The following KCTD8 variants were observed in gnomAD, a reference collection of about 807,000 sequenced individuals.
The protein encoded by KCTD8 is BTB/POZ domain-containing protein KCTD8.
KCTD8 carries 27 observed loss-of-function variants against 31.5 expected under a neutral mutation model. The observed-to-expected ratio is 0.86, with a 90% CI of 0.63 to 1.18. The LOEUF is 1.18. KCTD8 is among the 50% of genes most tolerant of loss of function. The probability of loss-of-function intolerance (pLI) is 0.00; values close to 1 mark genes in which losing one functional copy is unlikely to be tolerated. For missense variants in KCTD8, 658 were observed against 647.7 expected (o/e 1.02, Z -0.17); for synonymous variants, 290 against 280.0 (o/e 1.04, Z -0.36).
At chr4:44,346,618 A>C (rs999978491) in intron 1 of KCTD8, among the ~76,000 whole-genome samples, 1 of 152,160 alleles carries the variant, frequency 6.6e-6, no homozygotes, top group African/African-American at 2.4e-5. Context: ...ATATATGCAC[A>C]TACAAATGTC....
At chr4:44,364,108 C>T (rs1233812512) in intron 1 of KCTD8, among the ~76,000 whole-genome samples, 1 of 152,008 alleles carries the variant, frequency 6.6e-6, no homozygotes, top group African/African-American at 2.4e-5. Context: ...TTAAAAACTT[C>T]TGTTTGTCAA....
At chr4:44,242,503 G>A (rs1046144276) in intron 1 of KCTD8, among the ~76,000 whole-genome samples, 4 of 152,142 alleles carry the variant, frequency 2.6e-5, no homozygotes, top group Admixed American at 2.6e-4. Context: ...GCGTGAACCC[G>A]GGAGGCGGAG....
Position 44,174,041 on chromosome 4 carries a change from C to G in KCTD8, c.*749G>C, listed in dbSNP as rs1314725186. ...ACAGCCCGATGTAAGACTCATTTCA[C>G]AGTAATAATCATGACTAGCATTAGT... On this transcript the variant is annotated 3_prime_UTR_variant, in exon 2 of 2. Coordinates refer to ENST00000360029, the MANE Select transcript of KCTD8 (RefSeq NM_198353.3). The G allele has an allele frequency of 6.6e-6, 1 of 151,970 alleles. No individual in the cohort carries two copies. Among genetic ancestry groups the G allele is most frequent in the Non-Finnish European group, 1.5e-5 (1 of 67,966 alleles). The allele number at this position is 151,970 out of a possible 1,614,324, so 9.4% of individuals were successfully genotyped here. A position where few individuals can be genotyped will look rare whatever the true frequency, so the allele number is the denominator to read the frequency against.
intron 1 of KCTD8, among the ~76,000 whole-genome samples, chr4:44,408,392 A>G (rs1383413816): frequency 1.3e-5 from 2 of 152,178 alleles, no homozygotes; most frequent in East Asian, 3.8e-4. Flanking sequence ...CTACTTAAAC[A>G]TTGTATGCAT....
intron 1 of KCTD8, among the ~76,000 whole-genome samples, chr4:44,416,593 T>A (rs1007602581): frequency 1.3e-5 from 2 of 152,112 alleles, no homozygotes; most frequent in African/African-American, 2.4e-5. Flanking sequence ...GAGTTCTCAG[T>A]TCACTCAAGA....
Position 44,448,495 on chromosome 4 carries a change from C to A in KCTD8, c.29G>T (p.Gly10Val), listed in dbSNP as rs1722017918. The change falls in exon 1 of 2, where the codon GGC becomes GTC. Residue 10 changes from glycine to valine, a missense_variant. Physicochemically the swap from Gly to Val is moderately radical, Grantham distance 109 (BLOSUM62 -3). Transcript: ENST00000360029. This position sits in a 1 kb window ranked among gnomAD's most constrained non-coding sequence, Gnocchi z 4.1. ...CTCGCTAATGGGCAGGATGGTGCTG[C>A]CGCCGCTGCCCGTGTCCTTCAGAGC... MALKDTGSG[G>V]STILPISEMV... 1.3e-6 allele frequency: 2 copies of A among 1,496,308 alleles called. No individual in the cohort carries two copies. Among genetic ancestry groups the A allele is most frequent in the East Asian group, 2.4e-5 (1 of 42,360 alleles). 92.7% of individuals were successfully genotyped at this position (1,496,308 alleles called of 1,614,324 possible).
intron 1 of KCTD8, among the ~76,000 whole-genome samples, chr4:44,279,916 T>C (rs1232916516): frequency 1.3e-5 from 2 of 152,104 alleles, no homozygotes; most frequent in Non-Finnish European, 2.9e-5. Context: ...ATCTCATTCA[T>C]ACAGGTATTA....
chr4:44,324,415 T>C (rs954540866), intron 1 of KCTD8, among the ~76,000 whole-genome samples: 7 of 152,054 alleles, frequency 4.6e-5, no homozygotes, highest in African/African-American at 9.7e-5. Context: ...GTCTTAACAA[T>C]TGCAGAAGCT....
chr4:44,442,292 T>C (rs1483365949), intron 1 of KCTD8, among the ~76,000 whole-genome samples: 1 of 152,110 alleles, frequency 6.6e-6, no homozygotes, highest in Non-Finnish European at 1.5e-5. Context: ...CAATTAACTA[T>C]ATATAAAATT....
intron 1 of KCTD8, among the ~76,000 whole-genome samples, chr4:44,276,029 G>T (rs977523118): frequency 6.6e-6 from 1 of 151,960 alleles, no homozygotes; most frequent in Admixed American, 6.6e-5. Flanking sequence ...AAAAATTTCA[G>T]GGTGGTTACT....
chr4:44,213,539 A>G (rs952766536), intron 1 of KCTD8, among the ~76,000 whole-genome samples: 4 of 152,216 alleles, frequency 2.6e-5, no homozygotes, highest in Non-Finnish European at 1.5e-5. Flanking sequence ...AACATGTAGC[A>G]TAATATGAAT....
chr4:44,293,028 T>C (rs926225202), intron 1 of KCTD8, among the ~76,000 whole-genome samples: 2 of 152,144 alleles, frequency 1.3e-5, no homozygotes, highest in Admixed American at 6.6e-5. Context: ...TAAGGGCTTG[T>C]AGATAATTTT....
intron 1 of KCTD8, among the ~76,000 whole-genome samples, chr4:44,385,115 T>C (rs1169055719): frequency 6.6e-6 from 1 of 151,714 alleles, no homozygotes; most frequent in Non-Finnish European, 1.5e-5. Context: ...TTGGAAGACG[T>C]AATACTGTTA....
chr4:44,329,256 C>A (rs1307419794), intron 1 of KCTD8, among the ~76,000 whole-genome samples: 1 of 150,902 alleles, frequency 6.6e-6, no homozygotes, highest in Non-Finnish European at 1.5e-5. Context: ...CAAGAAATGA[C>A]CAATCTAATT....
At chr4:44,261,854 C>A (rs192515444) in intron 1 of KCTD8, among the ~76,000 whole-genome samples, 254 of 152,028 alleles carry the variant, frequency 1.7e-3, no homozygotes, top group Non-Finnish European at 3.0e-3. Context: ...AATGTGGTGA[C>A]CATTTCACAA....
intron 1 of KCTD8, among the ~76,000 whole-genome samples, chr4:44,344,877 G>T (rs1211587803): frequency 1.3e-5 from 2 of 152,122 alleles, no homozygotes; most frequent in African/African-American, 4.8e-5. Context: ...TTTCTATTAG[G>T]AACATACATT....
intron 1 of KCTD8, among the ~76,000 whole-genome samples, chr4:44,403,427 TAAAA>T (rs35324683): frequency 5.6e-5 from 8 of 144,046 alleles, no homozygotes; most frequent in African/African-American, 1.8e-4. Context: ...GGGCTACCAT[TAAAA>T]AAAAAAAAAA....
At chr4:44,441,490 G>A (rs935003604) in intron 1 of KCTD8, among the ~76,000 whole-genome samples, 13 of 151,952 alleles carry the variant, frequency 8.6e-5, no homozygotes, top group East Asian at 1.9e-4. Context: ...ACTCATATAC[G>A]TTTCAGACCA....
At chr4:44,445,477 T>C (rs1054210262) in intron 1 of KCTD8, among the ~76,000 whole-genome samples, 2 of 152,180 alleles carry the variant, frequency 1.3e-5, no homozygotes, top group African/African-American at 4.8e-5. Context: ...TTAACACTTC[T>C]GTAGCTCTAG....
Sources: allele counts gnomAD v4.1 joint callset (sites outside exome capture counted in the v4.1 genomes callset), GRCh38; gene constraint gnomAD v4.1.1; non-coding constraint Gnocchi (gnomAD v3.1); transcripts MANE v1.5; gene names NCBI Gene and HGNC (gene_info 2026-07-23, HGNC 2026-07-21).